PDE6B: variants seen among roughly 807,000 people sequenced by gnomAD.
PDE6B encodes the protein phosphodiesterase 6B.
In PDE6B, 106 loss-of-function variants were observed where a neutral mutation model predicts 109.0. The ratio of observed to expected loss-of-function variants is 0.97; its 90% CI spans 0.83 to 1.14. PDE6B has a LOEUF of 1.14. PDE6B is among the 50% of genes most tolerant of loss of function. The probability of loss-of-function intolerance (pLI) is 0.00; values close to 1 mark genes in which losing one functional copy is unlikely to be tolerated. For missense variants in PDE6B, 1,193 were observed against 1,155.6 expected (o/e 1.03, Z -0.47); for synonymous variants, 490 against 471.3 (o/e 1.04, Z -0.51).
chr4:635,976 A>T lies in PDE6B; in HGVS notation c.711+7A>T. 6.5e-7 allele frequency: 1 copy of T among 1,549,818 alleles called. No individual in the cohort carries two copies. Among genetic ancestry groups the T allele is most frequent in the Non-Finnish European group, 8.9e-7 (1 of 1,121,506 alleles). On this transcript the variant is annotated splice_region_variant and intron_variant, in intron 3 of 21. Transcript: ENST00000496514. ...CGAGACGCGCCGCGGCCAGGTACCC[A>T]CACGCTGAGCACAGCTCTGCCCACG...
intron 3 of PDE6B, chr4:652,010 GA>G (rs1320331597): frequency 5.6e-6 from 1 of 179,306 alleles, no homozygotes; most frequent in African/African-American, 2.4e-5. Context: ...GCGGCTCCAC[GA>G]CGGTGACTGG....
At chr4:631,320 A>C (rs1158911057) in intron 1 of PDE6B, among the ~76,000 whole-genome samples, 1 of 152,244 alleles carries the variant, frequency 6.6e-6, no homozygotes, top group East Asian at 1.9e-4. Flanking sequence ...GTAGAGACAA[A>C]GCTGGCAAGA....
Position 625,981 on chromosome 4 carries a change from C to A in PDE6B, c.355C>A (p.Leu119Met), listed in dbSNP as rs776648520. ...TTTCAGCGTGCAGCCGGACAGCGTC[C>A]TGGAGGACTGCCTGGTGCCCCCCGA... Reference protein sequence around the residue: ...RLFSVQPDSVLEDCLVPPDSE... With the variant: ...RLFSVQPDSVMEDCLVPPDSE... The change falls in exon 1 of 22, where the codon CTG becomes ATG. Residue 119 changes from leucine to methionine, a missense_variant. Physicochemically the swap from Leu to Met is conservative, Grantham distance 15 (BLOSUM62 2). Transcript: ENST00000496514. The surrounding 1 kb of genome is among the most constrained non-coding windows in gnomAD (Gnocchi z 5.0). 2.5e-6 allele frequency: 4 copies of A among 1,583,704 alleles called. No homozygotes were observed. The highest frequency in any genetic ancestry group is 3.4e-6 in the Non-Finnish European group (4 of 1,165,290).
In PDE6B at chr4:626,114, C is replaced by T; in HGVS notation, c.468+20C>T. ...GCCGAGGTGGGTCTGTGCGGAGCCT[C>T]AGGGAGGCGGCTGTGTGCATCTCTT... On this transcript the variant is annotated intron_variant, in intron 1 of 21. Coordinates refer to ENST00000496514, the MANE Select transcript of PDE6B (RefSeq NM_000283.4). The surrounding 1 kb of genome is among the most constrained non-coding windows in gnomAD (Gnocchi z 4.6). 1.4e-6 allele frequency: 2 copies of T among 1,436,250 alleles called. No homozygotes were observed. The highest frequency in any genetic ancestry group is 1.2e-5 in the South Asian group (1 of 82,374). 89.0% of individuals were successfully genotyped at this position (1,436,250 alleles called of 1,614,324 possible). A position where few individuals can be genotyped will look rare whatever the true frequency, so the allele number is the denominator to read the frequency against.
rs746580719 is a variant in PDE6B, at chr4:625,784, T to C, written c.158T>C (p.Val53Ala). Residue 53 changes from valine to alanine, a missense_variant, in exon 1 of 22, where the codon GTG becomes GCG. Transcript: ENST00000496514. The surrounding 1 kb of genome is among the most constrained non-coding windows in gnomAD (Gnocchi z 5.0). ...GACAGCCTCCGGGACCTCTGCCAGGTGGAGGAGAGCACGGCGCTGCTGGAG... is the reference window on the plus strand; with the variant it reads ...GACAGCCTCCGGGACCTCTGCCAGGCGGAGGAGAGCACGGCGCTGCTGGAG... ...DCDSLRDLCQ[V>A]EESTALLELV... The C allele has an allele frequency of 2.5e-6, 4 of 1,613,228 alleles. No homozygotes were observed. The African/African-American group carries it at 5.3e-5, about 22-fold the overall frequency.
intron 8 of PDE6B, 98 bp from the exon 9 acceptor site, chr4:656,776 G>A (rs1431838836): frequency 2.3e-5 from 26 of 1,137,198 alleles, no homozygotes; most frequent in Middle Eastern, 5.1e-4. Context: ...AGCCGTCACG[G>A]CTCTAGGGGA....
rs1175878898 is a variant in PDE6B, at chr4:663,051, G to A, written c.1833-49G>A. 9.6e-7 allele frequency: 1 copy of A among 1,046,044 alleles called. No homozygotes were observed. The highest frequency in any genetic ancestry group is 1.5e-6 in the Non-Finnish European group (1 of 661,110). The allele number at this position is 1,046,044 out of a possible 1,614,324, so 64.8% of individuals were successfully genotyped here. A position where few individuals can be genotyped will look rare whatever the true frequency, so the allele number is the denominator to read the frequency against. On this transcript the variant is annotated intron_variant, in intron 14 of 21. Coordinates refer to ENST00000496514, the MANE Select transcript of PDE6B (RefSeq NM_000283.4). The surrounding 1 kb of genome is among the most constrained non-coding windows in gnomAD (Gnocchi z 4.0). ...CTGGGGGGGCTGCAGAGCGCAGGGT[G>A]GGCCAAGGGCAGGTCCCACGGGCCT...
rs559801434 is a variant in PDE6B at position 654,797 on chromosome 4, C to A, written c.928-27C>A. Reference sequence around the variant, plus strand: ...CCCCTCAGAGCTTGGCCAGGCAGCCCCCCGACCAGTGTCTTCTGCTTCTCA... The same window carrying A: ...CCCCTCAGAGCTTGGCCAGGCAGCCACCCGACCAGTGTCTTCTGCTTCTCA... On this transcript the variant is annotated intron_variant, in intron 5 of 21. Transcript: ENST00000496514. The A allele has an allele frequency of 3.0e-5, 39 of 1,304,450 alleles. No homozygotes were observed. In the South Asian group the frequency reaches 4.4e-4, roughly 15 times the overall value. 80.8% of individuals were successfully genotyped at this position (1,304,450 alleles called of 1,614,324 possible).
chr4:634,920 C>T, intron 2 of PDE6B, 91 bp downstream of exon 2: 2 of 1,117,196 alleles, frequency 1.8e-6, no homozygotes, highest in Non-Finnish European at 2.7e-6. Flanking sequence ...CACCTCTTTA[C>T]CTGCCTGCCC....
Position 654,229 on chromosome 4 carries a change from G to C in PDE6B, c.927+75G>C, listed in dbSNP as rs546018980. On this transcript the variant is annotated intron_variant, in intron 5 of 21. Transcript: ENST00000496514. ...CTGACTCCAACTCCAGGGCAGGAGA[G>C]GGAGGGATAGGGGTGGGGTTTAGGG... The C allele has an allele frequency of 9.7e-5, 131 of 1,349,962 alleles. 1 individual carries two copies. The African/African-American group carries it at 1.6e-3, about 16-fold the overall frequency. The allele number at this position is 1,349,962 out of a possible 1,614,324, so 83.6% of individuals were successfully genotyped here. A position where few individuals can be genotyped will look rare whatever the true frequency, so the allele number is the denominator to read the frequency against.
chr4:665,258 G>C lies in PDE6B; in HGVS notation c.2197G>C (p.Ala733Pro), dbSNP rs367879245. ...TKPWEVQSKV[A>P]LLVAAEFWEQ... ...AGCTGCCTTCCTGTGCCTCCAGGTCGCACTTCTCGTGGCTGCTGAGTTCTG... is the reference window on the plus strand; with the variant it reads ...AGCTGCCTTCCTGTGCCTCCAGGTCCCACTTCTCGTGGCTGCTGAGTTCTG... Residue 733 changes from alanine to proline, a missense_variant, in exon 19 of 22, where the codon GCA becomes CCA. Physicochemically the swap from Ala to Pro is conservative, Grantham distance 27. Coordinates refer to ENST00000496514, the MANE Select transcript of PDE6B (RefSeq NM_000283.4). This position sits in a 1 kb window ranked among gnomAD's most constrained non-coding sequence, Gnocchi z 4.0. 2.5e-6 allele frequency: 4 copies of C among 1,610,472 alleles called. No homozygotes were observed. Among genetic ancestry groups the C allele is most frequent in the Admixed American group, 3.3e-5 (2 of 60,002 alleles).
intron 8 of PDE6B, among the ~76,000 whole-genome samples, chr4:656,522 A>AC (rs953252779): frequency 1.4e-5 from 2 of 146,396 alleles, no homozygotes; most frequent in Admixed American, 6.8e-5. Flanking sequence ...GCCCCCACAC[A>AC]CCCCTGCGAG....
rs1446785872 is a variant in PDE6B at position 670,152 on chromosome 4, A to G, written c.*45A>G. On this transcript the variant is annotated 3_prime_UTR_variant, in exon 22 of 22. Coordinates refer to ENST00000496514, the MANE Select transcript of PDE6B (RefSeq NM_000283.4). ...CCTATGGCTCCCTCAATCTTCACCC[A>G]CTAGGATTTGGGTTCTGCCTGTGGC... 2 of 1,610,606 alleles carry G rather than the reference A, an allele frequency of 1.2e-6. No homozygotes were observed. Among genetic ancestry groups the G allele is most frequent in the Non-Finnish European group, 1.7e-6 (2 of 1,178,244 alleles).
intron 8 of PDE6B, among the ~76,000 whole-genome samples, chr4:656,654 G>A (rs1410643309): frequency 2.6e-5 from 4 of 152,228 alleles, no homozygotes; most frequent in Non-Finnish European, 5.9e-5. Flanking sequence ...TGGGAAAACG[G>A]CCTCTACCTC....
Position 664,139 on chromosome 4 carries a change from G to T in PDE6B, c.2047G>T (p.Val683Leu). 6.2e-7 allele frequency: 1 copy of T among 1,610,902 alleles called. No individual in the cohort carries two copies. Among genetic ancestry groups the T allele is most frequent in the South Asian group, 1.1e-5 (1 of 91,034 alleles). The part of the protein sequence containing the change: ...FKKRAMFQKI[V>L]DESKNYQDKK... ...GAAGAGAGCGATGTTTCAGAAGATC[G>T]TGGATGAGTCCAAGAACTACCAGGA... The change falls in exon 17 of 22, where the codon GTG becomes TTG. Residue 683 changes from valine (V) to leucine (L), a missense_variant. Transcript: ENST00000496514.
rs143607841 is a variant in PDE6B at position 639,947 on chromosome 4, G to A, written c.711+3978G>A. The stretch of plus-strand genomic sequence containing the variant: ...TCCTCCCCAAGACCTGCAGTGAGCC[G>A]AGATCACCCCACTGTACTCCAGCCT... On this transcript the variant is annotated intron_variant, in intron 3 of 21. Coordinates refer to ENST00000496514, the MANE Select transcript of PDE6B (RefSeq NM_000283.4). Among the ~76,000 whole-genome samples, 723 of 152,150 alleles carry A rather than the reference G, an allele frequency of 4.8e-3. 7 individuals carry two copies. Among genetic ancestry groups the A allele is most frequent in the African/African-American group, 0.017 (693 of 41,520 alleles).
At position 662,223 on chromosome 4, in the gene PDE6B, G is replaced by C; in HGVS notation, c.1704G>C (p.Thr568=). The change falls in exon 13 of 22, where the codon ACG becomes ACC. Residue 568 remains threonine, a synonymous_variant. Transcript: ENST00000496514. The surrounding 1 kb of genome is among the most constrained non-coding windows in gnomAD (Gnocchi z 4.3). ...NWRHGFNVAQ[T]MFTLLMTGKL... ...GCCACGGCTTCAACGTGGCCCAGAC[G>C]ATGTTCACGCTGCTCATGGTACGTG... is the stretch of plus-strand genomic sequence containing the variant. 6.4e-7 allele frequency: 1 copy of C among 1,562,740 alleles called. No individual in the cohort carries two copies. Among genetic ancestry groups the C allele is most frequent in the African/African-American group, 1.4e-5 (1 of 73,948 alleles).
In PDE6B at chr4:662,976, G is replaced by T; in HGVS notation, c.1833-124G>T. On this transcript the variant is annotated intron_variant, in intron 14 of 21. Coordinates refer to ENST00000496514, the MANE Select transcript of PDE6B (RefSeq NM_000283.4). This position sits in a 1 kb window ranked among gnomAD's most constrained non-coding sequence, Gnocchi z 4.3. Reference sequence around the variant, plus strand: ...CATGATTGCACCACTGCACTCCAGAGTGGGTGACAGAGGCAGACCCTGTCT... The same window carrying T: ...CATGATTGCACCACTGCACTCCAGATTGGGTGACAGAGGCAGACCCTGTCT... 2 of 716,754 alleles carry T rather than the reference G, an allele frequency of 2.8e-6. No homozygotes were observed. Among genetic ancestry groups the T allele is most frequent in the Non-Finnish European group, 5.1e-6 (2 of 389,758 alleles). The allele number at this position is 716,754 out of a possible 1,614,324, so 44.4% of individuals were successfully genotyped here.
chr4:657,520 G>A (rs761881659), intron 10 of PDE6B, 26 bp downstream of exon 10: 2 of 1,462,048 alleles, frequency 1.4e-6, no homozygotes, highest in African/African-American at 2.7e-5. Context: ...ACGTCCAGGG[G>A]TCACCCAGGG....
Sources: allele counts gnomAD v4.1 joint callset (sites outside exome capture counted in the v4.1 genomes callset), GRCh38; gene constraint gnomAD v4.1.1; non-coding constraint Gnocchi (gnomAD v3.1); transcripts MANE v1.5; gene names NCBI Gene and HGNC (gene_info 2026-07-23, HGNC 2026-07-21).